FAM83F: variants seen among roughly 807,000 people sequenced by gnomAD.
The protein encoded by FAM83F is scaffolding CK1 anchoring protein F.
FAM83F carries 45 observed loss-of-function variants against 42.9 expected under a neutral mutation model. The observed-to-expected ratio is 1.05, with a 90% CI of 0.83 to 1.35. The LOEUF is 1.35. Ranked by LOEUF, FAM83F falls within the 40% of genes most tolerant of loss-of-function variation. The probability of loss-of-function intolerance (pLI) is 0.00; values close to 1 mark genes in which losing one functional copy is unlikely to be tolerated. For synonymous variants in FAM83F, 306 were observed against 298.3 expected, an observed-to-expected ratio of 1.03 and a Z score of -0.27; for missense variants, 617 against 695.9, an observed-to-expected ratio of 0.89 and a Z score of 1.28.
chr22:40,008,156 G>A (rs750785186), intron 1 of FAM83F, among the ~76,000 whole-genome samples: 4 of 152,164 alleles, frequency 2.6e-5, no homozygotes, highest in Non-Finnish European at 4.4e-5. Context: ...TGGAAGTGTC[G>A]TGTTCCCTGA....
At position 40,020,048 on chromosome 22, in the gene FAM83F, G is replaced by T; in HGVS notation, c.779+40G>T. 3 of 1,581,548 alleles carry T rather than the reference G, an allele frequency of 1.9e-6. No individual in the cohort carries two copies. The South Asian group carries it at 3.5e-5, about 18-fold the overall frequency. On this transcript the variant is annotated intron_variant, in intron 3 of 4. Transcript: ENST00000333407. ...ATCAAAGAAGGGCCCAGGAGGCCTT[G>T]ATTCCAGGTAGGTGTTCAGGAAGAT...
At chr22:40,026,836 G>A (rs901513612) in intron 4 of FAM83F, among the ~76,000 whole-genome samples, 4 of 152,130 alleles carry the variant, frequency 2.6e-5, no homozygotes, top group Admixed American at 6.5e-5. Flanking sequence ...CGCTGGATTG[G>A]GGGACTTGTT....
chr22:40,012,414 C>A (rs547204391), intron 1 of FAM83F, among the ~76,000 whole-genome samples: 1 of 152,066 alleles, frequency 6.6e-6, no homozygotes, highest in Non-Finnish European at 1.5e-5. Context: ...GGATTACAGG[C>A]GTGAGCCACT....
chr22:40,001,671 CA>C (rs1025548198), intron 1 of FAM83F, among the ~76,000 whole-genome samples: 1 of 151,814 alleles, frequency 6.6e-6, no homozygotes, highest in Non-Finnish European at 1.5e-5. Context: ...AAAAACAAAA[CA>C]AAAAAACCCA....
At chr22:40,027,911 A>T (rs1421293233) in intron 4 of FAM83F, among the ~76,000 whole-genome samples, 1 of 131,116 alleles carries the variant, frequency 7.6e-6, no homozygotes, top group East Asian at 2.6e-4. Context: ...AACGATCTGG[A>T]GGTTGATTTG....
Position 40,040,880 on chromosome 22 carries a change from A to T in FAM83F, c.*11315A>T, listed in dbSNP as rs1478387063. On this transcript the variant is annotated 3_prime_UTR_variant, in exon 5 of 5. Transcript: ENST00000333407. ...CACTTCCAAATTCTTCATAGCTATG[A>T]GGGGCCAGTGCAAAGGGCGGAAGGA... 1 of 152,226 alleles carries T rather than the reference A, an allele frequency of 6.6e-6. No individual in the cohort carries two copies. The highest frequency in any genetic ancestry group is 1.5e-5 in the Non-Finnish European group (1 of 68,040). 9.4% of individuals were successfully genotyped at this position (152,226 alleles called of 1,614,324 possible). A position where few individuals can be genotyped will look rare whatever the true frequency, so the allele number is the denominator to read the frequency against.
At chr22:40,012,379 T>C (rs1051655746) in intron 1 of FAM83F, among the ~76,000 whole-genome samples, 1 of 151,524 alleles carries the variant, frequency 6.6e-6, no homozygotes, top group Non-Finnish European at 1.5e-5. Flanking sequence ...AGGTGATCCA[T>C]CCGCCTTGGC....
At chr22:40,017,434 T>G (rs1174139330) in intron 1 of FAM83F, among the ~76,000 whole-genome samples, 1 of 152,062 alleles carries the variant, frequency 6.6e-6, no homozygotes, top group Non-Finnish European at 1.5e-5. Flanking sequence ...GGTTTCACCA[T>G]GTTGGCCAGG....
intron 4 of FAM83F, 119 bp from the exon 5 acceptor site, chr22:40,029,397 A>T (rs1280483271): frequency 1.5e-6 from 2 of 1,362,720 alleles, no homozygotes; most frequent in Non-Finnish European, 2.0e-6. Context: ...CTTGGGAGGG[A>T]GACAGTGACC....
intron 1 of FAM83F, among the ~76,000 whole-genome samples, chr22:39,998,522 G>A (rs1333710875): frequency 2.6e-5 from 4 of 151,892 alleles, no homozygotes; most frequent in Non-Finnish European, 5.9e-5. Flanking sequence ...GGGGGTGAGG[G>A]GGGAGGGGCT....
At chr22:40,007,093 C>G (rs1428716324) in intron 1 of FAM83F, among the ~76,000 whole-genome samples, 5 of 151,848 alleles carry the variant, frequency 3.3e-5, no homozygotes, top group Non-Finnish European at 7.4e-5. Context: ...GGCACTTTCC[C>G]CACTGCAGTA....
At chr22:40,012,075 C>A (rs1474344481) in intron 1 of FAM83F, among the ~76,000 whole-genome samples, 1 of 152,128 alleles carries the variant, frequency 6.6e-6, no homozygotes, top group African/African-American at 2.4e-5. Flanking sequence ...TTTGGATTAT[C>A]CAACTTTCTG....
chr22:40,040,526 T>G lies in FAM83F; in HGVS notation c.*10961T>G, dbSNP rs1382911653. 6.6e-6 allele frequency: 1 copy of G among 151,916 alleles called. No individual in the cohort carries two copies. The highest frequency in any genetic ancestry group is 1.5e-5 in the Non-Finnish European group (1 of 67,994). The allele number at this position is 151,916 out of a possible 1,614,324, so 9.4% of individuals were successfully genotyped here. ...GCATTGGCCAGCACACATGAGGGGG[T>G]CCAGTGTTTGCTGCTTAACTAAGTA... is the stretch of plus-strand genomic sequence containing the variant. On this transcript the variant is annotated 3_prime_UTR_variant, in exon 5 of 5. Coordinates refer to ENST00000333407, the MANE Select transcript of FAM83F (RefSeq NM_138435.4).
chr22:40,014,744 G>C (rs191663358), intron 1 of FAM83F, among the ~76,000 whole-genome samples: 12 of 151,982 alleles, frequency 7.9e-5, no homozygotes, highest in African/African-American at 2.9e-4. Context: ...GCCGGTTTTT[G>C]ATTCAGTGTT....
At position 40,042,575 on chromosome 22, in the gene FAM83F, C is replaced by T; in HGVS notation, c.*13010C>T. 6.6e-6 allele frequency: 1 copy of T among 152,190 alleles called. No homozygotes were observed. The highest frequency in any genetic ancestry group is 1.9e-4 in the East Asian group (1 of 5,194). 9.4% of individuals were successfully genotyped at this position (152,190 alleles called of 1,614,324 possible). On this transcript the variant is annotated 3_prime_UTR_variant, in exon 5 of 5. Coordinates refer to ENST00000333407, the MANE Select transcript of FAM83F (RefSeq NM_138435.4). ...CACAGCACTGCATCATGGTTATCTG[C>T]TTATCTGCTGGACACCCCTACTCGA...
chr22:39,995,721 A>G lies in FAM83F; in HGVS notation c.489+190A>G, dbSNP rs561110126. Among the ~76,000 whole-genome samples, 1 of 152,222 alleles carries G rather than the reference A, an allele frequency of 6.6e-6. No individual in the cohort carries two copies. Among genetic ancestry groups the G allele is most frequent in the East Asian group, 1.9e-4 (1 of 5,164 alleles). On this transcript the variant is annotated intron_variant, in intron 1 of 4. Coordinates refer to ENST00000333407, the MANE Select transcript of FAM83F (RefSeq NM_138435.4). This position sits in a 1 kb window ranked among gnomAD's most constrained non-coding sequence, Gnocchi z 4.6. ...CGAATGGCTGGGAACGTGTTTGGCA[A>G]ATTACAAGGTGCTGGACAGATGTCA...
Position 40,039,948 on chromosome 22 carries a change from T to G in FAM83F, c.*10383T>G, listed in dbSNP as rs2067644241. The G allele has an allele frequency of 6.6e-6, 1 of 152,198 alleles. No homozygotes were observed. The highest frequency in any genetic ancestry group is 1.5e-5 in the Non-Finnish European group (1 of 68,032). The allele number at this position is 152,198 out of a possible 1,614,324, so 9.4% of individuals were successfully genotyped here. On this transcript the variant is annotated 3_prime_UTR_variant, in exon 5 of 5. Transcript: ENST00000333407. Reference sequence around the variant, plus strand: ...TCAGAGAGAGAAAACGAGAGAGCATTCCTGGTGGTGGAGATGGCCGCAGGC... The same window carrying G: ...TCAGAGAGAGAAAACGAGAGAGCATGCCTGGTGGTGGAGATGGCCGCAGGC...
At chr22:40,004,192 A>G (rs2067415952) in intron 1 of FAM83F, among the ~76,000 whole-genome samples, 1 of 152,188 alleles carries the variant, frequency 6.6e-6, no homozygotes, top group Non-Finnish European at 1.5e-5. Context: ...ATTTCAGCAC[A>G]GTGGTAGGGG....
chr22:40,025,501 T>C (rs2067546914), intron 4 of FAM83F, among the ~76,000 whole-genome samples: 1 of 152,034 alleles, frequency 6.6e-6, no homozygotes, highest in African/African-American at 2.4e-5. Context: ...TCACCTGAGG[T>C]CAGGAGTTCG....
Sources: gnomAD v4.1 joint callset for allele counts (sites outside exome capture counted in the v4.1 genomes callset) on GRCh38, gnomAD v4.1.1 for gene constraint, Gnocchi (gnomAD v3.1) non-coding constraint, MANE v1.5 for transcripts, NCBI Gene and HGNC (gene_info 2026-07-23, HGNC 2026-07-21) for gene names.